TPM1: variants seen among roughly 807,000 people sequenced by gnomAD.
The protein encoded by TPM1 is tropomyosin 1, also known as tropomyosin alpha-1 chain.
TPM1 carries 24 observed loss-of-function variants against 42.9 expected under a neutral mutation model. The ratio of observed to expected loss-of-function variants is 0.56; its 90% confidence interval spans 0.41 to 0.79. The LOEUF (loss-of-function observed/expected upper bound fraction) is 0.79, where lower values mean the gene tolerates loss of function less well. TPM1 is among the 30% of genes least tolerant of loss of function. TPM1 has a pLI of 0.00. For missense variants in TPM1, 158 were observed against 351.8 expected (o/e 0.45, Z 4.41); for synonymous variants, 136 against 130.1 (o/e 1.05, Z -0.31).
At chr15:63,063,934 C>G in intron 8 of TPM1, 130 bp from the exon 9 acceptor site, 1 of 1,385,040 alleles carries the variant, frequency 7.2e-7, no homozygotes, top group Non-Finnish European at 9.7e-7. Flanking sequence ...TGCTGCGGCA[C>G]CAACCCCTTC....
chr15:63,061,665 T>G, intron 5 of TPM1, 48 bp from the exon 6 acceptor site: 2 of 1,566,746 alleles, frequency 1.3e-6, no homozygotes, highest in South Asian at 2.2e-5. Context: ...CTCTCCTCCT[T>G]CCTTTGGCTT....
chr15:63,057,161 G>C (rs371942557), intron 3 of TPM1, 43 bp downstream of exon 3: 1 of 1,612,516 alleles, frequency 6.2e-7, no homozygotes, highest in Non-Finnish European at 8.5e-7. Context: ...TGCCTTTCCT[G>C]GTGGAATAAA....
chr15:63,065,617 T>G (rs1331324485), intron 9 of TPM1: 1 of 985,140 alleles, frequency 1.0e-6, no homozygotes, highest in Non-Finnish European at 1.2e-6. Context: ...TCAAGTATGA[T>G]TAAATATTCT....
chr15:63,053,299 G>A (rs2034229217), intron 2 of TPM1, among the ~76,000 whole-genome samples: 1 of 152,184 alleles, frequency 6.6e-6, no homozygotes, highest in South Asian at 2.1e-4. Flanking sequence ...TTTGTGGGGA[G>A]TTGGGGTGGG....
downstream of TPM1, chr15:63,066,209 T>G: frequency 7.3e-7 from 1 of 1,376,970 alleles, no homozygotes; most frequent in Non-Finnish European, 9.3e-7. Context: ...CTGCTTTTTC[T>G]TTTTAAATAC....
At chr15:63,064,688 G>A (rs978241300) in intron 9 of TPM1, 47 of 992,728 alleles carry the variant, frequency 4.7e-5, no homozygotes, top group Non-Finnish European at 5.3e-5. Context: ...AGAGTAGGCC[G>A]GGCACAGTGG....
At position 63,062,457 on chromosome 15, in the gene TPM1, A is replaced by G. The variant is rs754106334; in HGVS notation, c.703-119A>G. The G allele has an allele frequency of 9.1e-5, 121 of 1,329,138 alleles. 1 individual carries two copies. Among genetic ancestry groups the G allele is most frequent in the Non-Finnish European group, 1.2e-4 (111 of 929,068 alleles). 82.3% of individuals were successfully genotyped at this position (1,329,138 alleles called of 1,614,324 possible). ...CTCACAGAGGTGACTGAAACTGACA[A>G]GTAGTTTCTGATCCATTTTATAGGT... On this transcript the variant is annotated intron_variant, in intron 7 of 9. Coordinates refer to ENST00000403994, the MANE Select transcript of TPM1 (RefSeq NM_001018005.2).
intron 2 of TPM1, among the ~76,000 whole-genome samples, chr15:63,053,659 G>A (rs1006225102): frequency 2.0e-5 from 3 of 150,148 alleles, no homozygotes; most frequent in Non-Finnish European, 3.0e-5. Context: ...CTAGGGACAC[G>A]GCCTGGAAGT....
downstream of TPM1, among the ~76,000 whole-genome samples, chr15:63,067,802 T>C (rs1373227906): frequency 1.3e-5 from 2 of 152,208 alleles, no homozygotes; most frequent in African/African-American, 4.8e-5. Context: ...ACCAAAAGCA[T>C]CACTGAGTTT....
At chr15:63,049,300 C>T (rs796816998) in intron 2 of TPM1, 14 of 156,088 alleles carry the variant, frequency 9.0e-5, no homozygotes, top group African/African-American at 2.6e-4. Flanking sequence ...GTGCAAAACC[C>T]TTAACCCGTC....
intron 2 of TPM1, among the ~76,000 whole-genome samples, chr15:63,050,789 C>G (rs1013990059): frequency 6.6e-6 from 1 of 152,224 alleles, no homozygotes; most frequent in Non-Finnish European, 1.5e-5. Context: ...TTAAATGTAG[C>G]TGACTTAGGT....
rs555948135 is a variant in TPM1 at position 63,046,735 on chromosome 15, G to A, written c.240+2583G>A. ...ATAGCATATGAGTCTTTATCCCTTT[G>A]TAGGTCTTTACTTCTTAACTTAGGG... On this transcript the variant is annotated intron_variant, in intron 2 of 9. Transcript: ENST00000403994. The A allele has an allele frequency of 5.9e-5, 9 of 152,668 alleles. No homozygotes were observed. In the East Asian group the frequency reaches 1.5e-3, roughly 26 times the overall value. 9.5% of individuals were successfully genotyped at this position (152,668 alleles called of 1,614,324 possible). A position where few individuals can be genotyped will look rare whatever the true frequency, so the allele number is the denominator to read the frequency against.
At chr15:63,052,840 A>G (rs1245004159) in intron 2 of TPM1, among the ~76,000 whole-genome samples, 2 of 152,218 alleles carry the variant, frequency 1.3e-5, no homozygotes, top group African/African-American at 4.8e-5. Context: ...ATAGAGCATA[A>G]TAAATCAGAA....
At chr15:63,048,487 G>GCAGCCAGGA in intron 2 of TPM1, 1 of 1,436,870 alleles carries the variant, frequency 7.0e-7, no homozygotes, top group Non-Finnish European at 9.1e-7. Flanking sequence ...CCGGCGCTGG[G>GCAGCCAGGA]CAGCCAGGAC....
rs28485524 is a variant in TPM1, at chr15:63,056,933, T to A, written c.241-52T>A. 220,645 of 1,613,202 alleles carry A rather than the reference T, an allele frequency of 0.14. 16,786 individuals are homozygous for A. Among genetic ancestry groups the A allele is most frequent in the Admixed American group, 0.3 (17,964 of 59,994 alleles). On this transcript the variant is annotated intron_variant, in intron 2 of 9. Coordinates refer to ENST00000403994, the MANE Select transcript of TPM1 (RefSeq NM_001018005.2). ...TGCAGTCCCAGCCATTTCCTGAAGC[T>A]ACCACCCTCACTTTCTCCCCAACTC...
chr15:63,062,663 GT>G lies in TPM1; in HGVS notation c.772+23del. On this transcript the variant is annotated intron_variant, in intron 8 of 9. Transcript: ENST00000403994. Reference sequence around the variant, plus strand: ...CTTAGAAGGTAAGATCTTAAGTAGTGTTTTTAGTTTAATCCTTATGGTTGAA... The same window carrying G: ...CTTAGAAGGTAAGATCTTAAGTAGTGTTTTAGTTTAATCCTTATGGTTGAA... 6.2e-7 allele frequency: 1 copy of G among 1,614,226 alleles called. No homozygotes were observed. Among genetic ancestry groups the G allele is most frequent in the East Asian group, 2.2e-5 (1 of 44,888 alleles).
Position 63,062,240 on chromosome 15 carries a change from A to G in TPM1, c.665A>G (p.Glu222Gly). The G allele has an allele frequency of 6.2e-7, 1 of 1,614,166 alleles. No homozygotes were observed. Among genetic ancestry groups the G allele is most frequent in the South Asian group, 1.1e-5 (1 of 91,082 alleles). The part of the protein sequence containing the change: ...EKYSQKEDRY[E>G]EEIKVLSDKL... Reference sequence around the variant, plus strand: ...TACTCGCAGAAGGAAGACAGATATGAGGAAGAGATCAAGGTCCTTTCCGAC... The same window carrying G: ...TACTCGCAGAAGGAAGACAGATATGGGGAAGAGATCAAGGTCCTTTCCGAC... Residue 222 changes from glutamate (E) to glycine (G), a missense_variant, in exon 7 of 10, where the codon GAG becomes GGG. This residue lies in a region of TPM1 where 64 missense variants were observed against 95.8 expected (regional missense o/e 0.67). Transcript: ENST00000403994.
chr15:63,066,766 C>T (rs1041226562), downstream of TPM1, among the ~76,000 whole-genome samples: 5 of 152,128 alleles, frequency 3.3e-5, no homozygotes, highest in Non-Finnish European at 5.9e-5. Flanking sequence ...AATATGATTA[C>T]TCTGTTTAGT....
chr15:63,048,513 G>C, intron 2 of TPM1: 3 of 1,483,138 alleles, frequency 2.0e-6, no homozygotes, highest in African/African-American at 1.5e-5. Flanking sequence ...CGGCAGCCGG[G>C]TCCGCAGGGC....
Sources: gnomAD v4.1 joint callset for allele counts (sites outside exome capture counted in the v4.1 genomes callset) on GRCh38, gnomAD v4.1.1 for gene constraint, gnomAD v4.1.1 regional missense constraint, MANE v1.5 for transcripts, NCBI Gene and HGNC (gene_info 2026-07-23, HGNC 2026-07-21) for gene names.